The following ZBTB20 variants were observed in gnomAD, a reference collection of about 807,000 sequenced individuals.
The protein encoded by ZBTB20 is zinc finger and BTB domain-containing protein 20.
A neutral mutation model predicts 56.9 loss-of-function variants in ZBTB20; 9 were observed. The observed-to-expected ratio is 0.16, with a 90% CI of 0.10 to 0.28. The LOEUF (loss-of-function observed/expected upper bound fraction) is 0.28, where lower values mean the gene tolerates loss of function less well. Ranked by LOEUF, ZBTB20 falls within the 10% of genes least tolerant of loss-of-function variation. ZBTB20 has a pLI of 1.00. For synonymous variants in ZBTB20, 417 were observed against 420.7 expected, an observed-to-expected ratio of 0.99 and a Z score of 0.11; for missense variants, 655 against 1,003.0, an observed-to-expected ratio of 0.65 and a Z score of 4.69.
At chr3:114,975,024 C>T (rs958595223) in intron 2 of ZBTB20, among the ~76,000 whole-genome samples, 2 of 152,100 alleles carry the variant, frequency 1.3e-5, no homozygotes, top group African/African-American at 4.8e-5. Context: ...TTAATATTTC[C>T]TGTTTTAGCA....
At chr3:115,123,459 A>C (rs1373207174) in intron 1 of ZBTB20, among the ~76,000 whole-genome samples, 2 of 152,246 alleles carry the variant, frequency 1.3e-5, no homozygotes, top group African/African-American at 4.8e-5. Flanking sequence ...TTCTAGAAAC[A>C]CAAAAGAATT....
intron 2 of ZBTB20, among the ~76,000 whole-genome samples, chr3:115,060,722 C>A (rs561759869): frequency 1.3e-5 from 2 of 152,226 alleles, no homozygotes; most frequent in East Asian, 3.9e-4. Context: ...CTCCCTAAAT[C>A]TACTGCCATC....
At chr3:114,918,245 A>T (rs936299319) in intron 3 of ZBTB20, among the ~76,000 whole-genome samples, 8 of 151,884 alleles carry the variant, frequency 5.3e-5, no homozygotes, top group African/African-American at 1.5e-4. Flanking sequence ...CCTGGGACTC[A>T]TCCTTCCATG....
chr3:114,674,946 G>A (rs2061546784), intron 6 of ZBTB20, among the ~76,000 whole-genome samples: 1 of 151,186 alleles, frequency 6.6e-6, no homozygotes. Flanking sequence ...CAGAAGAAAA[G>A]GTATCCTATA....
chr3:114,486,691 C>A (rs1025191568), intron 7 of ZBTB20, among the ~76,000 whole-genome samples: 4 of 152,130 alleles, frequency 2.6e-5, no homozygotes, highest in African/African-American at 9.7e-5. Context: ...CACTCATGTT[C>A]TTTCATGAGA....
At chr3:114,420,377 A>G (rs2089031079) in intron 7 of ZBTB20, among the ~76,000 whole-genome samples, 2 of 152,150 alleles carry the variant, frequency 1.3e-5, no homozygotes, top group Non-Finnish European at 2.9e-5. Context: ...GTTGCATTTT[A>G]AAGATGCTTC....
At chr3:114,520,995 CT>C (rs1243794422) in intron 6 of ZBTB20, among the ~76,000 whole-genome samples, 2 of 151,990 alleles carry the variant, frequency 1.3e-5, no homozygotes, top group Non-Finnish European at 2.9e-5. Flanking sequence ...CAAAGGAGGC[CT>C]TTTTTGAATA....
chr3:114,564,067 A>G (rs186065510), intron 6 of ZBTB20, among the ~76,000 whole-genome samples: 1 of 152,154 alleles, frequency 6.6e-6, no homozygotes, highest in East Asian at 1.9e-4. Flanking sequence ...ACCTGTATTC[A>G]TTGGCTCATG....
chr3:114,745,100 G>C (rs1438955974), intron 5 of ZBTB20, among the ~76,000 whole-genome samples: 1 of 152,126 alleles, frequency 6.6e-6, no homozygotes, highest in East Asian at 1.9e-4. Context: ...ATATAGACAT[G>C]CTTTTATTTT....
At chr3:114,432,651 C>A (rs753520584) in intron 7 of ZBTB20, among the ~76,000 whole-genome samples, 6 of 152,194 alleles carry the variant, frequency 3.9e-5, no homozygotes, top group Non-Finnish European at 8.8e-5. Context: ...TGAGGAGGGA[C>A]TGGCTCTCTG....
intron 7 of ZBTB20, among the ~76,000 whole-genome samples, chr3:114,470,376 A>G (rs890563471): frequency 2.6e-5 from 4 of 152,156 alleles, no homozygotes; most frequent in Non-Finnish European, 5.9e-5. Context: ...GTAAATGTGG[A>G]AAATGTTTAT....
chr3:114,648,300 A>T (rs2059955086), intron 6 of ZBTB20, among the ~76,000 whole-genome samples: 1 of 151,994 alleles, frequency 6.6e-6, no homozygotes, highest in Non-Finnish European at 1.5e-5. Context: ...CCATTTGTGG[A>T]GTGCTTACTG....
intron 3 of ZBTB20, among the ~76,000 whole-genome samples, chr3:114,927,405 CTG>C (rs1359552868): frequency 1.3e-5 from 2 of 152,178 alleles, no homozygotes; most frequent in Non-Finnish European, 2.9e-5. Flanking sequence ...CCTCCTGAGA[CTG>C]TGTCATGGGC....
intron 2 of ZBTB20, among the ~76,000 whole-genome samples, chr3:115,025,050 A>T (rs1393724552): frequency 6.6e-6 from 1 of 151,162 alleles, no homozygotes; most frequent in Non-Finnish European, 1.5e-5. Flanking sequence ...ACCAGGTATT[A>T]AGCCAAGTAT....
intron 6 of ZBTB20, among the ~76,000 whole-genome samples, chr3:114,525,394 G>T (rs969003315): frequency 2.6e-5 from 4 of 151,854 alleles, no homozygotes; most frequent in African/African-American, 9.7e-5. Flanking sequence ...CCATTTCACC[G>T]AGTAAAGTCA....
At chr3:114,947,760 T>C (rs2076931523) in intron 3 of ZBTB20, among the ~76,000 whole-genome samples, 2 of 145,874 alleles carry the variant, frequency 1.4e-5, no homozygotes, top group African/African-American at 5.6e-5. Context: ...ATGCAATATA[T>C]CTATGTAACA....
chr3:114,780,662 A>G (rs1194155391), intron 5 of ZBTB20, among the ~76,000 whole-genome samples: 1 of 152,058 alleles, frequency 6.6e-6, no homozygotes, highest in Non-Finnish European at 1.5e-5. Flanking sequence ...TAATTTTTGT[A>G]TTTTTAGTAT....
At chr3:114,866,850 C>T (rs1413909609) in intron 4 of ZBTB20, among the ~76,000 whole-genome samples, 10 of 152,266 alleles carry the variant, frequency 6.6e-5, no homozygotes, top group South Asian at 4.1e-4. Context: ...GTTGGACTAA[C>T]GCAATTGGCT....
intron 3 of ZBTB20, among the ~76,000 whole-genome samples, chr3:114,947,416 T>C (rs1239988918): frequency 1.4e-5 from 2 of 146,244 alleles, no homozygotes; most frequent in East Asian, 1.9e-4. Context: ...TAAATGTCCA[T>C]CAATGGATGA....
Sources: allele counts gnomAD v4.1 joint callset (sites outside exome capture counted in the v4.1 genomes callset), GRCh38; gene constraint gnomAD v4.1.1; transcripts MANE v1.5; gene names NCBI Gene and HGNC (gene_info 2026-07-23, HGNC 2026-07-21).